The following CLSTN2 variants were observed in gnomAD, a reference collection of about 807,000 sequenced individuals.
The protein encoded by CLSTN2 is calsyntenin-2.
CLSTN2 carries 48 observed loss-of-function variants against 101.2 expected under a neutral mutation model. The ratio of observed to expected loss-of-function variants is 0.47; its 90% CI spans 0.38 to 0.60. CLSTN2 has a LOEUF of 0.60. Ranked by LOEUF, CLSTN2 falls within the 20% of genes least tolerant of loss-of-function variation. The pLI is 0.00. For synonymous variants in CLSTN2, 481 were observed against 463.6 expected, an observed-to-expected ratio of 1.04 and a Z score of -0.48; for missense variants, 1,160 against 1,238.2, an observed-to-expected ratio of 0.94 and a Z score of 0.95.
intron 1 of CLSTN2, among the ~76,000 whole-genome samples, chr3:140,091,956 T>C (rs2008786052): frequency 6.6e-6 from 1 of 152,212 alleles, no homozygotes; most frequent in Non-Finnish European, 1.5e-5. Flanking sequence ...TAAATGTTTG[T>C]TGAATAAGTA....
intron 1 of CLSTN2, among the ~76,000 whole-genome samples, chr3:139,976,852 A>G (rs1935827304): frequency 6.6e-6 from 1 of 152,160 alleles, no homozygotes. Flanking sequence ...ATGTGCACAC[A>G]TGTGTGTTGG....
Position 140,421,288 on chromosome 3 carries a change from A to G in CLSTN2, c.787+14A>G, listed in dbSNP as rs376422961. The G allele has an allele frequency of 8.1e-6, 13 of 1,613,846 alleles. No individual in the cohort carries two copies. In the African/African-American group the frequency reaches 1.2e-4, roughly 15 times the overall value. On this transcript the variant is annotated intron_variant, in intron 5 of 16. Transcript: ENST00000458420. The stretch of plus-strand genomic sequence containing the variant: ...CTGGCTGGCAAGGTGGGCCTGTTTT[A>G]TCAGTCTTGTGTGAAGGCAGCATGG...
rs921742208 is a variant in CLSTN2, at chr3:140,566,317, A to G, written c.*64A>G. 3 of 1,441,814 alleles carry G rather than the reference A, an allele frequency of 2.1e-6. No individual in the cohort carries two copies. Among genetic ancestry groups the G allele is most frequent in the African/African-American group, 2.8e-5 (2 of 70,958 alleles). 89.3% of individuals were successfully genotyped at this position (1,441,814 alleles called of 1,614,324 possible). On this transcript the variant is annotated 3_prime_UTR_variant, in exon 17 of 17. Transcript: ENST00000458420. Reference sequence around the variant, plus strand: ...GTAAACCCTGACCCAGTGTATGCCCATGTCTATCATACCTCACCTCTGATG... The same window carrying G: ...GTAAACCCTGACCCAGTGTATGCCCGTGTCTATCATACCTCACCTCTGATG...
chr3:140,103,201 A>G (rs546266892), intron 1 of CLSTN2, among the ~76,000 whole-genome samples: 6 of 152,230 alleles, frequency 3.9e-5, no homozygotes, highest in African/African-American at 1.4e-4. Context: ...GCAGCTGGGC[A>G]GAACAACTGG....
intron 2 of CLSTN2, among the ~76,000 whole-genome samples, chr3:140,335,377 T>A (rs1442757532): frequency 6.6e-6 from 1 of 151,852 alleles, no homozygotes; most frequent in Admixed American, 6.6e-5. Flanking sequence ...TAAAAATAGT[T>A]GATTATGGCA....
intron 2 of CLSTN2, among the ~76,000 whole-genome samples, chr3:140,375,573 T>C (rs1420534504): frequency 3.3e-5 from 5 of 152,226 alleles, no homozygotes; most frequent in Non-Finnish European, 5.9e-5. Context: ...CGCTTTGCTC[T>C]TTTGTTTCTT....
intron 2 of CLSTN2, among the ~76,000 whole-genome samples, chr3:140,370,631 A>C (rs1429464861): frequency 6.6e-6 from 1 of 152,170 alleles, no homozygotes; most frequent in Admixed American, 6.5e-5. Flanking sequence ...AGAGAACTTT[A>C]TTTACTCGGC....
intron 1 of CLSTN2, among the ~76,000 whole-genome samples, chr3:140,156,753 T>G (rs894666473): frequency 6.6e-6 from 1 of 152,222 alleles, no homozygotes; most frequent in Non-Finnish European, 1.5e-5. Context: ...CATGGAAGTC[T>G]AGGACACTTT....
rs138704356 is a variant in CLSTN2 at position 140,056,696 on chromosome 3, C to T, written c.110-119255C>T. On this transcript the variant is annotated intron_variant, in intron 1 of 16. Coordinates refer to ENST00000458420, the MANE Select transcript of CLSTN2 (RefSeq NM_022131.3). ...TCTCTAATTACAGTGTAATTGTGGGCACCTACAGTTGTGGACCTAAACTCA... is the reference window on the plus strand; with the variant it reads ...TCTCTAATTACAGTGTAATTGTGGGTACCTACAGTTGTGGACCTAAACTCA... 8.5e-5 allele frequency among the ~76,000 whole-genome samples: 13 copies of T among 152,266 alleles called. No homozygotes were observed. In the East Asian group the frequency reaches 2.5e-3, roughly 29 times the overall value.
intron 8 of CLSTN2, among the ~76,000 whole-genome samples, chr3:140,524,531 C>A (rs532002685): frequency 6.6e-6 from 1 of 152,324 alleles, no homozygotes; most frequent in African/African-American, 2.4e-5. Context: ...TTAGTCAGAT[C>A]ATTGAGGCAG....
rs1935862915 is a variant in CLSTN2, at chr3:140,559,183, G to GA, written c.2041+331dup. ...CATTTAAGAAAAAAAAAAAAACACA[G>GA]AAAAATGCCAAGAAGGACACACACC... On this transcript the variant is annotated intron_variant, in intron 12 of 16. Coordinates refer to ENST00000458420, the MANE Select transcript of CLSTN2 (RefSeq NM_022131.3). Among the ~76,000 whole-genome samples, 2 of 149,996 alleles carry GA rather than the reference G, an allele frequency of 1.3e-5. 1 individual carries two copies.
At chr3:140,077,793 G>C (rs549700218) in intron 1 of CLSTN2, among the ~76,000 whole-genome samples, 1 of 152,064 alleles carries the variant, frequency 6.6e-6, no homozygotes, top group Non-Finnish European at 1.5e-5. Context: ...CTTTCATCCA[G>C]TATCAAATGC....
intron 2 of CLSTN2, among the ~76,000 whole-genome samples, chr3:140,380,978 G>A (rs1559853944): frequency 1.3e-5 from 2 of 152,190 alleles, no homozygotes; most frequent in East Asian, 1.9e-4. Flanking sequence ...CCATAACAAA[G>A]TACCAAACAC....
At position 140,570,499 on chromosome 3, in the gene CLSTN2, C is replaced by G. The variant is rs961231681; in HGVS notation, c.*4246C>G. 1.3e-5 allele frequency: 2 copies of G among 151,966 alleles called. No individual in the cohort carries two copies. The highest frequency in any genetic ancestry group is 4.8e-5 in the African/African-American group (2 of 41,336). 9.4% of individuals were successfully genotyped at this position (151,966 alleles called of 1,614,324 possible). On this transcript the variant is annotated 3_prime_UTR_variant, in exon 17 of 17. Transcript: ENST00000458420. ...TTGAACATCTGTGGATTTTGGTGTC[C>G]GAGGGGAGTTCTGGAACCAATCCCC...
chr3:139,975,124 A>G (rs1209958560), intron 1 of CLSTN2, among the ~76,000 whole-genome samples: 3 of 152,202 alleles, frequency 2.0e-5, no homozygotes, highest in African/African-American at 7.2e-5. Context: ...CTGGTTAGAG[A>G]CAAAGCTGGG....
At chr3:140,290,889 T>C (rs541343133) in intron 2 of CLSTN2, among the ~76,000 whole-genome samples, 1 of 152,262 alleles carries the variant, frequency 6.6e-6, no homozygotes, top group East Asian at 1.9e-4. Flanking sequence ...TCAGGGCTAA[T>C]TTTTCACCTG....
intron 9 of CLSTN2, among the ~76,000 whole-genome samples, chr3:140,540,754 T>G (rs551416430): frequency 6.6e-6 from 1 of 152,182 alleles, no homozygotes; most frequent in South Asian, 2.1e-4. Context: ...AGACTTAGTA[T>G]GTTCACACTA....
At chr3:140,552,586 C>A (rs1395959460) in intron 10 of CLSTN2, among the ~76,000 whole-genome samples, 1 of 152,080 alleles carries the variant, frequency 6.6e-6, no homozygotes, top group African/African-American at 2.4e-5. Context: ...CTACAGGTGG[C>A]TGCAGAGAGA....
intron 8 of CLSTN2, among the ~76,000 whole-genome samples, chr3:140,471,318 C>G: frequency 6.6e-6 from 1 of 152,160 alleles, no homozygotes; most frequent in East Asian, 1.9e-4. Flanking sequence ...CCCTTTGGAC[C>G]TGGTATGGTG....
Sources: gnomAD v4.1 joint callset for allele counts (sites outside exome capture counted in the v4.1 genomes callset) on GRCh38, gnomAD v4.1.1 for gene constraint, MANE v1.5 for transcripts, NCBI Gene and HGNC (gene_info 2026-07-23, HGNC 2026-07-21) for gene names.